Variants in USP31 observed in about 807,000 individuals in gnomAD.
USP31 encodes ubiquitin carboxyl-terminal hydrolase 31.
In USP31, 44 loss-of-function variants were observed where a neutral mutation model predicts 119.4. The observed-to-expected ratio is 0.37, with a 90% CI of 0.29 to 0.47. The LOEUF is 0.47. Ranked by LOEUF, USP31 falls within the 20% of genes least tolerant of loss-of-function variation. The pLI, the probability that USP31 is intolerant of heterozygous loss-of-function variation, is 0.99. For synonymous variants in USP31, 749 were observed against 705.6 expected (o/e 1.06, Z -0.97); for missense variants, 1,643 against 1,730.2 (o/e 0.95, Z 0.89).
At chr16:23,134,917 T>C (rs374499916) in intron 1 of USP31, among the ~76,000 whole-genome samples, 19 of 146,802 alleles carry the variant, frequency 1.3e-4, no homozygotes, top group Non-Finnish European at 2.5e-4. Context: ...CACACACACA[T>C]ATTCTATAGA....
Position 23,090,665 on chromosome 16 carries a change from C to G in USP31, c.1374G>C (p.Leu458=), listed in dbSNP as rs747645977. The change falls in exon 7 of 16, where the codon CTG becomes CTC. Residue 458 remains leucine, a synonymous_variant. Coordinates refer to ENST00000219689, the MANE Select transcript of USP31 (RefSeq NM_020718.4). ...CAGTGCAGGCTCGGTTACACACCAA[C>G]AGGACAATCTTGTCGCTGCCTGCTC... ...TSRAGSDKIV[L]LVCNRACTGQ... is the part of the protein sequence containing the mutation. 3.7e-6 allele frequency: 6 copies of G among 1,613,856 alleles called. No individual in the cohort carries two copies. The Admixed American group carries it at 5.0e-5, about 13-fold the overall frequency.
intron 4 of USP31, 148 bp from the exon 5 acceptor site, chr16:23,105,724 G>T: frequency 1.2e-6 from 1 of 842,658 alleles, no homozygotes; most frequent in Non-Finnish European, 1.7e-6. Context: ...ATTTCACTTG[G>T]CTCTAAGCAG....
At chr16:23,105,855 A>G (rs1048368403) in intron 4 of USP31, among the ~76,000 whole-genome samples, 6 of 152,232 alleles carry the variant, frequency 3.9e-5, no homozygotes, top group African/African-American at 1.4e-4. Flanking sequence ...TTAGAACAGC[A>G]TAACTCCTGG....
At chr16:23,128,848 T>A (rs141874134) in intron 1 of USP31, among the ~76,000 whole-genome samples, 1 of 152,256 alleles carries the variant, frequency 6.6e-6, no homozygotes, top group East Asian at 1.9e-4. Flanking sequence ...TAGCTCTAAC[T>A]ACCATTTTAC....
chr16:23,136,151 A>C (rs1249386329), intron 1 of USP31, among the ~76,000 whole-genome samples: 1 of 152,234 alleles, frequency 6.6e-6, no homozygotes, highest in Non-Finnish European at 1.5e-5. Flanking sequence ...GGACAGCCAC[A>C]TGCAAAAGAA....
rs1567237898 is a variant in USP31, at chr16:23,106,319, A to C, written c.861-14T>G. 6.2e-7 allele frequency: 1 copy of C among 1,614,104 alleles called. No individual in the cohort carries two copies. The highest frequency in any genetic ancestry group is 2.2e-5 in the East Asian group (1 of 44,876). ...GTCAAAGAAGATCTTCAAAACAAAA[A>C]GGTAAGACGCTTGACATTAAAATCA... On this transcript the variant is annotated splice_polypyrimidine_tract_variant and intron_variant, in intron 3 of 15. Transcript: ENST00000219689.
At chr16:23,108,017 G>T in intron 2 of USP31, 29 bp downstream of exon 2, 1 of 1,586,610 alleles carries the variant, frequency 6.3e-7, no homozygotes, top group South Asian at 1.2e-5. Flanking sequence ...ATGGCTGGCT[G>T]ACTGCCCTAG....
In USP31 at chr16:23,082,398, T is replaced by C. The variant is rs1211403188; in HGVS notation, c.1950+40A>G. The C allele has an allele frequency of 3.1e-6, 5 of 1,610,358 alleles. No individual in the cohort carries two copies. The East Asian group carries it at 1.1e-4, about 36-fold the overall frequency. ...ATCAGCAGGGGGCATAAGAAACTTGTCACAACTTGTTTGTTCCTGAGGATA... is the reference window on the plus strand; with the variant it reads ...ATCAGCAGGGGGCATAAGAAACTTGCCACAACTTGTTTGTTCCTGAGGATA... On this transcript the variant is annotated intron_variant, in intron 12 of 15. Transcript: ENST00000219689.
At chr16:23,075,501 G>A (rs1345588476) in intron 13 of USP31, among the ~76,000 whole-genome samples, 1 of 152,166 alleles carries the variant, frequency 6.6e-6, no homozygotes, top group East Asian at 1.9e-4. Context: ...CTCTAGGCCA[G>A]TGCTACTAGA....
At chr16:23,138,753 G>A (rs1903265985) in intron 1 of USP31, among the ~76,000 whole-genome samples, 1 of 152,130 alleles carries the variant, frequency 6.6e-6, no homozygotes, top group Non-Finnish European at 1.5e-5. Context: ...GCCCTGCAAA[G>A]GACTTTCCCA....
In USP31 at chr16:23,062,649, T is replaced by G. The variant is rs1295353942; in HGVS notation, c.*5397A>C. The G allele has an allele frequency of 1.3e-5, 2 of 152,430 alleles. No homozygotes were observed. Among genetic ancestry groups the G allele is most frequent in the Non-Finnish European group, 2.9e-5 (2 of 68,048 alleles). 9.4% of individuals were successfully genotyped at this position (152,430 alleles called of 1,614,324 possible). A position where few individuals can be genotyped will look rare whatever the true frequency, so the allele number is the denominator to read the frequency against. Reference sequence around the variant, plus strand: ...TGACTTCCCTATTCCCCCACGGGCCTGGGGAAAAGGTTCTGGGGACAGATG... The same window carrying G: ...TGACTTCCCTATTCCCCCACGGGCCGGGGGAAAAGGTTCTGGGGACAGATG... On this transcript the variant is annotated 3_prime_UTR_variant, in exon 16 of 16. Transcript: ENST00000219689.
chr16:23,068,604 T>C lies in USP31; in HGVS notation c.3501A>G (p.Arg1167=). The C allele has an allele frequency of 6.2e-7, 1 of 1,614,196 alleles. No individual in the cohort carries two copies. The highest frequency in any genetic ancestry group is 8.5e-7 in the Non-Finnish European group (1 of 1,180,032). Residue 1167 remains arginine (R), a synonymous_variant, in exon 16 of 16, where the codon AGA becomes AGG. Transcript: ENST00000219689. ...GTTTGGAGGTGGAGGTGGCGCTGGC[T>C]CTGTCAGAACCCAAGCTTTGTCTGG... is the stretch of plus-strand genomic sequence containing the variant. ...EGSRQSLGSD[R]ASATSTSKPN... is the part of the protein sequence containing the mutation.
intron 11 of USP31, among the ~76,000 whole-genome samples, chr16:23,083,836 G>GA (rs1243944753): frequency 6.6e-6 from 1 of 151,528 alleles, no homozygotes; most frequent in Non-Finnish European, 1.5e-5. Flanking sequence ...TCGAACAACA[G>GA]ACAAAAATAA....
rs1464768026 is a variant in USP31 at position 23,061,428 on chromosome 16, A to C, written c.*6618T>G. On this transcript the variant is annotated 3_prime_UTR_variant, in exon 16 of 16. Transcript: ENST00000219689. ...GGCTTGAAGAGGACATCTTGTAATA[A>C]ATTTATTGTATTTTGTTACATTTTC... 1 of 152,592 alleles carries C rather than the reference A, an allele frequency of 6.6e-6. No individual in the cohort carries two copies. The highest frequency in any genetic ancestry group is 2.4e-5 in the African/African-American group (1 of 41,422). 9.5% of individuals were successfully genotyped at this position (152,592 alleles called of 1,614,324 possible).
At chr16:23,115,171 T>C (rs1471246800) in intron 1 of USP31, among the ~76,000 whole-genome samples, 2 of 152,154 alleles carry the variant, frequency 1.3e-5, no homozygotes, top group African/African-American at 4.8e-5. Flanking sequence ...TGGTATACGT[T>C]TTTGGTCACA....
intron 6 of USP31, among the ~76,000 whole-genome samples, chr16:23,092,205 G>C (rs1239267903): frequency 3.9e-5 from 6 of 152,158 alleles, no homozygotes; most frequent in Non-Finnish European, 8.8e-5. Flanking sequence ...TTAGGATAGA[G>C]GCTAACGCAG....
chr16:23,144,158 A>G (rs1367394407), intron 1 of USP31, among the ~76,000 whole-genome samples: 2 of 152,180 alleles, frequency 1.3e-5, no homozygotes, highest in Admixed American at 6.5e-5. Context: ...AAAAGGAAGA[A>G]AGAACTCTAA....
At chr16:23,091,886 T>A (rs1453783877) in intron 6 of USP31, among the ~76,000 whole-genome samples, 3 of 152,016 alleles carry the variant, frequency 2.0e-5, no homozygotes, top group Non-Finnish European at 4.4e-5. Flanking sequence ...CATTTTAAAC[T>A]CTGGTATGAG....
chr16:23,068,275 G>A lies in USP31; in HGVS notation c.3830C>T (p.Pro1277Leu), dbSNP rs1900173158. The change falls in exon 16 of 16, where the codon CCT becomes CTT. Residue 1277 changes from proline to leucine, a missense_variant. Around this residue, in one of 5 missense-constraint regions of USP31, gnomAD observed 699 missense variants for 650.9 expected, o/e 1.07. Coordinates refer to ENST00000219689, the MANE Select transcript of USP31 (RefSeq NM_020718.4). ...TGCATTTGGCTGCTGGGAAGCTGGA[G>A]GCTGGTGGCCTCTCTCTGCCTCGTC... ...GDDEAERGHQ[P>L]PASQQPNANT... is the part of the protein sequence containing the mutation. 5 of 1,614,084 alleles carry A rather than the reference G, an allele frequency of 3.1e-6. No individual in the cohort carries two copies. In the East Asian group the frequency reaches 1.1e-4, roughly 36 times the overall value.
Sources: gnomAD v4.1 joint callset for allele counts (sites outside exome capture counted in the v4.1 genomes callset) on GRCh38, gnomAD v4.1.1 for gene constraint, gnomAD v4.1.1 regional missense constraint, MANE v1.5 for transcripts, NCBI Gene and HGNC (gene_info 2026-07-23, HGNC 2026-07-21) for gene names.